Variants in WDR20 observed in about 807,000 individuals in gnomAD.
WDR20 encodes WD repeat-containing protein 20.
Under a neutral mutation model 38.7 loss-of-function variants are expected in WDR20, and 3 were observed. The ratio of observed to expected loss-of-function variants is 0.08; its 90% CI spans 0.04 to 0.20. WDR20 has a LOEUF of 0.20. Among genes scored for constraint, WDR20 ranks in the 10% least tolerant of loss-of-function variants. The pLI, the probability that WDR20 is intolerant of heterozygous loss-of-function variation, is 1.00. For synonymous variants in WDR20, 298 were observed against 285.6 expected (o/e 1.04, Z -0.44); for missense variants, 559 against 727.7 (o/e 0.77, Z 2.67).
intron 1 of WDR20, among the ~76,000 whole-genome samples, chr14:102,153,802 C>A (rs1037925027): frequency 6.6e-6 from 1 of 152,172 alleles, no homozygotes; most frequent in African/African-American, 2.4e-5. Context: ...CTGTTTAGAT[C>A]ACAGCTGAAA....
intron 2 of WDR20, chr14:102,198,101 A>G (rs1481565485): frequency 4.4e-4 from 2 of 4,500 alleles, no homozygotes; most frequent in Admixed American, 1.8e-3. Flanking sequence ...GGTCTACTTT[A>G]TTTATTTATT....
downstream of WDR20, among the ~76,000 whole-genome samples, chr14:102,216,414 C>G (rs893704226): frequency 6.6e-6 from 1 of 152,102 alleles, no homozygotes; most frequent in Non-Finnish European, 1.5e-5. Flanking sequence ...ATCTAGGCCT[C>G]TTGAGTAACT....
chr14:102,191,305 C>A (rs2066343933), intron 1 of WDR20: 1 of 152,222 alleles, frequency 6.6e-6, no homozygotes, highest in African/African-American at 2.4e-5. Context: ...AGCCATCTGC[C>A]AGGGGCTGAT....
intron 1 of WDR20, among the ~76,000 whole-genome samples, chr14:102,170,223 A>C (rs561556170): frequency 8.5e-5 from 13 of 152,310 alleles, no homozygotes; most frequent in African/African-American, 2.9e-4. Flanking sequence ...CATTGTGTAC[A>C]TTTATCATAA....
chr14:102,195,202 C>T, intron 2 of WDR20, 82 bp downstream of exon 2: 1 of 1,489,726 alleles, frequency 6.7e-7, no homozygotes. Context: ...CCTTATTTTG[C>T]ACTTCAAGCT....
chr14:102,179,597 A>T (rs1207116524), intron 1 of WDR20, among the ~76,000 whole-genome samples: 1 of 152,042 alleles, frequency 6.6e-6, no homozygotes, highest in Non-Finnish European at 1.5e-5. Flanking sequence ...TTTATAACTT[A>T]AAAAAATTAT....
intron 2 of WDR20, among the ~76,000 whole-genome samples, chr14:102,195,600 A>G (rs1008642634): frequency 1.3e-5 from 2 of 152,230 alleles, no homozygotes; most frequent in African/African-American, 4.8e-5. Flanking sequence ...CTGTAAACTC[A>G]TCTTTGACAT....
chr14:102,155,088 G>A (rs2057047314), intron 1 of WDR20, among the ~76,000 whole-genome samples: 1 of 152,204 alleles, frequency 6.6e-6, no homozygotes, highest in Admixed American at 6.5e-5. Context: ...TGCTCCAACA[G>A]TGCATATTTT....
intron 1 of WDR20, among the ~76,000 whole-genome samples, chr14:102,143,596 G>A (rs1226500511): frequency 6.6e-6 from 1 of 151,430 alleles, no homozygotes; most frequent in Non-Finnish European, 1.5e-5. Flanking sequence ...CCAGGGTGGA[G>A]TGCAGTGGCA....
At chr14:102,196,141 G>T (rs1008530723) in intron 2 of WDR20, among the ~76,000 whole-genome samples, 1 of 152,160 alleles carries the variant, frequency 6.6e-6, no homozygotes, top group Non-Finnish European at 1.5e-5. Flanking sequence ...TTGCAGTTAT[G>T]GTACTTGCTA....
intron 1 of WDR20, among the ~76,000 whole-genome samples, chr14:102,171,880 T>C (rs1157284743): frequency 1.3e-5 from 2 of 151,516 alleles, no homozygotes; most frequent in Non-Finnish European, 2.9e-5. Context: ...TTTTCTGTTT[T>C]TTATTTTTGT....
chr14:102,195,109 T>G lies in WDR20; in HGVS notation c.421T>G (p.Phe141Val), dbSNP rs1332550436. The change falls in exon 2 of 3, where the codon TTT becomes GTT. Residue 141 changes from phenylalanine (F) to valine (V), a missense_variant. Phe to Val is a conservative substitution (Grantham distance 50). Coordinates refer to ENST00000342702, the MANE Select transcript of WDR20 (RefSeq NM_144574.4). ...AATCAAAAAAGAAACTAGCAAACTT[T>G]TTAATGAGGAAGTAAGTAGCACCCT... ...DPIKKETSKLFNEERLIDKSR... is the reference protein window; with the variant it reads ...DPIKKETSKLVNEERLIDKSR... 1 of 1,614,130 alleles carries G rather than the reference T, an allele frequency of 6.2e-7. No homozygotes were observed. The highest frequency in any genetic ancestry group is 1.1e-5 in the South Asian group (1 of 91,062).
At chr14:102,196,008 T>C (rs1338852662) in intron 2 of WDR20, 1 of 152,242 alleles carries the variant, frequency 6.6e-6, no homozygotes, top group African/African-American at 2.4e-5. Flanking sequence ...TTTTGCATTG[T>C]TGCATGGTTT....
Position 102,208,992 on chromosome 14 carries a change from C to A in WDR20, c.822C>A (p.Gly274=). 1 of 1,614,158 alleles carries A rather than the reference C, an allele frequency of 6.2e-7. No homozygotes were observed. The highest frequency in any genetic ancestry group is 8.5e-7 in the Non-Finnish European group (1 of 1,180,024). ...GLLCVCWSPD[G]KYIVTGGEDD... is the part of the protein sequence containing the mutation. ...TGTGTGTGTGCTGGAGCCCGGATGG[C>A]AAGTACATCGTGACAGGTGGGGAGG... Residue 274 remains glycine, a synonymous_variant, in exon 3 of 3, where the codon GGC becomes GGA. Transcript: ENST00000342702. This position sits in a 1 kb window ranked among gnomAD's most constrained non-coding sequence, Gnocchi z 5.6.
chr14:102,183,108 G>A (rs1445294675), intron 1 of WDR20, among the ~76,000 whole-genome samples: 1 of 151,944 alleles, frequency 6.6e-6, no homozygotes, highest in Non-Finnish European at 1.5e-5. Context: ...ATTTTTTTTA[G>A]GTTATTTGAG....
downstream of WDR20, chr14:102,212,639 C>T: frequency 6.5e-7 from 1 of 1,533,638 alleles, no homozygotes; most frequent in Admixed American, 2.0e-5. Context: ...AAGCGCCCTT[C>T]TCCTCGGCTG....
chr14:102,218,883 G>A (rs765011408), downstream of WDR20, among the ~76,000 whole-genome samples: 32 of 152,244 alleles, frequency 2.1e-4, no homozygotes, highest in Non-Finnish European at 4.6e-4. Flanking sequence ...GCTCCCGCAC[G>A]CTGCTGAGCA....
chr14:102,200,466 TTTGTG>T (rs1031438304), intron 2 of WDR20, among the ~76,000 whole-genome samples: 22 of 106,092 alleles, frequency 2.1e-4, no homozygotes, highest in South Asian at 1.9e-3. Context: ...AATTTTTTTT[TTTGTG>T]TGTGTGTGTG....
rs989422202 is a variant in WDR20 at position 102,222,966 on chromosome 14, G to T, written c.*83G>T. ...AGGAGCTCCGAGCTGCGCCTGAGCC[G>T]TGCCAGCCGGCGGACCTCAGGCGGT... On this transcript the variant is annotated 3_prime_UTR_variant, in exon 4 of 4. Coordinates refer to the WDR20 transcript ENST00000335263. The surrounding 1 kb of genome is among the most constrained non-coding windows in gnomAD (Gnocchi z 4.4). 1 of 1,557,882 alleles carries T rather than the reference G, an allele frequency of 6.4e-7. No individual in the cohort carries two copies.
Sources: gnomAD v4.1 joint callset for allele counts (sites outside exome capture counted in the v4.1 genomes callset) on GRCh38, gnomAD v4.1.1 for gene constraint, Gnocchi (gnomAD v3.1) non-coding constraint, MANE v1.5 for transcripts, NCBI Gene and HGNC (gene_info 2026-07-23, HGNC 2026-07-21) for gene names.